Variants in CCDC25 observed in about 807,000 individuals in gnomAD.
CCDC25 encodes the protein coiled-coil domain-containing protein 25.
In CCDC25, 16 loss-of-function variants were observed where a neutral mutation model predicts 35.3. The observed-to-expected ratio is 0.45, with a 90% CI of 0.31 to 0.69. The LOEUF (loss-of-function observed/expected upper bound fraction) is 0.69. CCDC25 is among the 30% of genes least tolerant of loss of function. The pLI, the probability that CCDC25 is intolerant of heterozygous loss-of-function variation, is 0.06. For synonymous variants in CCDC25, 79 were observed against 80.3 expected, an observed-to-expected ratio of 0.98 and a Z score of 0.09; for missense variants, 179 against 250.7, an observed-to-expected ratio of 0.71 and a Z score of 1.93.
chr8:27,736,214 T>C lies in CCDC25; in HGVS notation c.*2A>G, dbSNP rs199790637. On this transcript the variant is annotated 3_prime_UTR_variant, in exon 9 of 9. Transcript: ENST00000356537. ...CAAAGGTCCTTTTCTCCTTTTCTCC[T>C]TTTACATGAATTCATCTGAATCATT... The C allele has an allele frequency of 6.2e-7, 1 of 1,608,902 alleles. No individual in the cohort carries two copies. The highest frequency in any genetic ancestry group is 1.1e-5 in the South Asian group (1 of 89,474).
At chr8:27,750,243 C>T (rs960550561) in intron 5 of CCDC25, among the ~76,000 whole-genome samples, 1 of 152,204 alleles carries the variant, frequency 6.6e-6, no homozygotes, top group Non-Finnish European at 1.5e-5. Flanking sequence ...CGAGGAGGCT[C>T]ACAGAGCTCA....
chr8:27,738,581 T>A (rs769845449), intron 8 of CCDC25, among the ~76,000 whole-genome samples: 22 of 142,244 alleles, frequency 1.5e-4, no homozygotes, highest in Non-Finnish European at 2.8e-4. Flanking sequence ...TGTATATGTA[T>A]GTATGTAGGT....
At chr8:27,772,094 A>T (rs1023218081) in intron 1 of CCDC25, 4 of 195,578 alleles carry the variant, frequency 2.0e-5, no homozygotes, top group Admixed American at 6.0e-5. Flanking sequence ...CTTAAGAAAA[A>T]GTTGTTAGCA....
chr8:27,742,261 G>C (rs1803464344), intron 7 of CCDC25, among the ~76,000 whole-genome samples: 1 of 152,192 alleles, frequency 6.6e-6, no homozygotes, highest in South Asian at 2.1e-4. Context: ...CACCCAGAGG[G>C]AGAGACCAGT....
At position 27,733,716 on chromosome 8, in the gene CCDC25, T is replaced by A. The variant is rs1585330912; in HGVS notation, c.*2500A>T. On this transcript the variant is annotated 3_prime_UTR_variant, in exon 9 of 9. Transcript: ENST00000356537. Reference sequence around the variant, plus strand: ...ATATGGAAATTTGTTATTTACATGCTGTACCTCAAATCAAAGAAAAAGCAC... The same window carrying A: ...ATATGGAAATTTGTTATTTACATGCAGTACCTCAAATCAAAGAAAAAGCAC... The A allele has an allele frequency of 6.6e-6, 1 of 152,384 alleles. No homozygotes were observed. The allele number at this position is 152,384 out of a possible 1,614,324, so 9.4% of individuals were successfully genotyped here.
intron 8 of CCDC25, 91 bp from the exon 9 acceptor site, chr8:27,736,336 T>C: frequency 6.2e-6 from 6 of 968,432 alleles, no homozygotes; most frequent in Non-Finnish European, 9.5e-6. Flanking sequence ...AGCTGCCTTC[T>C]CATCTCAGTC....
intron 8 of CCDC25, among the ~76,000 whole-genome samples, chr8:27,739,436 A>T (rs1013141716): frequency 1.3e-5 from 2 of 152,188 alleles, no homozygotes; most frequent in African/African-American, 4.8e-5. Flanking sequence ...AAATTCTGTT[A>T]CAGTTGGCCC....
chr8:27,736,414 G>C (rs1261163742), intron 8 of CCDC25, among the ~76,000 whole-genome samples, 169 bp from the exon 9 acceptor site: 3 of 152,120 alleles, frequency 2.0e-5, no homozygotes, highest in Non-Finnish European at 4.4e-5. Flanking sequence ...TCAGTTTCCT[G>C]ACATAGCTGA....
chr8:27,743,633 C>A lies in CCDC25; in HGVS notation c.552-3116G>T, dbSNP rs532614220. On this transcript the variant is annotated intron_variant, in intron 7 of 8. Coordinates refer to ENST00000356537, the MANE Select transcript of CCDC25 (RefSeq NM_018246.3). ...CAGGGGACAAGTGTGGTGGCTTATG[C>A]CTTTAATCCCAGCACTTTGGGAGGC... is the stretch of plus-strand genomic sequence containing the variant. Among the ~76,000 whole-genome samples the A allele has an allele frequency of 2.6e-5, 4 of 152,332 alleles. No individual in the cohort carries two copies. In the South Asian group the frequency reaches 8.3e-4, roughly 32 times the overall value.
intron 5 of CCDC25, among the ~76,000 whole-genome samples, chr8:27,750,262 G>A (rs561240781): frequency 2.0e-5 from 3 of 152,318 alleles, no homozygotes; most frequent in African/African-American, 7.2e-5. Context: ...CAGGGGTTAC[G>A]GCAGAACACT....
At chr8:27,749,511 T>C (rs1585352004) in intron 5 of CCDC25, among the ~76,000 whole-genome samples, 1 of 152,186 alleles carries the variant, frequency 6.6e-6, no homozygotes, top group Non-Finnish European at 1.5e-5. Flanking sequence ...GGGATTCTAA[T>C]CCAGAGGAAG....
At chr8:27,772,347 C>A (rs1021913373) in intron 1 of CCDC25, among the ~76,000 whole-genome samples, 166 bp downstream of exon 1, 2 of 152,224 alleles carry the variant, frequency 1.3e-5, no homozygotes, top group Non-Finnish European at 2.9e-5. Flanking sequence ...GGAAATCCTG[C>A]AGCCGTGGGA....
chr8:27,752,495 C>A lies in CCDC25; in HGVS notation c.244+17G>T. On this transcript the variant is annotated intron_variant, in intron 5 of 8. Transcript: ENST00000356537. ...AAAGTCCGTGCTAATTCTAAAAACA[C>A]CTCTAGGAAAACTGACCTTGAATGC... 6.2e-7 allele frequency: 1 copy of A among 1,604,012 alleles called. No homozygotes were observed. The highest frequency in any genetic ancestry group is 1.3e-5 in the African/African-American group (1 of 74,752).
At chr8:27,770,919 T>G (rs1248322697) in intron 1 of CCDC25, among the ~76,000 whole-genome samples, 1 of 152,182 alleles carries the variant, frequency 6.6e-6, no homozygotes, top group Non-Finnish European at 1.5e-5. Flanking sequence ...TAGTCCCCCC[T>G]TATCTGTGGG....
intron 5 of CCDC25, among the ~76,000 whole-genome samples, chr8:27,751,491 C>T (rs1803804091): frequency 6.6e-6 from 1 of 152,204 alleles, no homozygotes; most frequent in African/African-American, 2.4e-5. Context: ...GTGGGAAGCG[C>T]AGTCGGGGAA....
At chr8:27,749,365 A>G (rs913597769) in intron 5 of CCDC25, among the ~76,000 whole-genome samples, 1 of 152,236 alleles carries the variant, frequency 6.6e-6, no homozygotes, top group South Asian at 2.1e-4. Flanking sequence ...TGTACACTGG[A>G]AAAAGCTGGA....
intron 3 of CCDC25, among the ~76,000 whole-genome samples, chr8:27,761,125 G>A (rs1030315125): frequency 2.0e-5 from 3 of 150,906 alleles, no homozygotes; most frequent in South Asian, 4.2e-4. Context: ...GCGAAACTCC[G>A]TCTCAAAAAA....
intron 2 of CCDC25, chr8:27,764,360 C>T (rs940725883): frequency 3.7e-6 from 1 of 268,892 alleles, no homozygotes; most frequent in Non-Finnish European, 7.5e-6. Flanking sequence ...AGCCTACCTC[C>T]CAGGCTCAAG....
intron 1 of CCDC25, among the ~76,000 whole-genome samples, chr8:27,769,331 A>T (rs1020421830): frequency 2.0e-5 from 3 of 152,240 alleles, no homozygotes; most frequent in Non-Finnish European, 2.9e-5. Flanking sequence ...CCACAAATCT[A>T]GTGAAGCATT....
Sources: gnomAD v4.1 joint callset for allele counts (sites outside exome capture counted in the v4.1 genomes callset) on GRCh38, gnomAD v4.1.1 for gene constraint, MANE v1.5 for transcripts, NCBI Gene and HGNC (gene_info 2026-07-23, HGNC 2026-07-21) for gene names.